The following LRRC7 variants were observed in gnomAD, a reference collection of about 807,000 sequenced individuals.
LRRC7 encodes leucine rich repeat containing 7.
In LRRC7, 23 loss-of-function variants were observed where a neutral mutation model predicts 175.7. The ratio of observed to expected loss-of-function variants is 0.13; its 90% confidence interval spans 0.09 to 0.19. The LOEUF is 0.19. Among genes scored for constraint, LRRC7 ranks in the 10% least tolerant of loss-of-function variants. The probability of loss-of-function intolerance (pLI) is 1.00; values close to 1 mark genes in which losing one functional copy is unlikely to be tolerated. For missense variants in LRRC7, 1,354 were observed against 1,904.7 expected (o/e 0.71, Z 5.38); for synonymous variants, 685 against 680.9 (o/e 1.01, Z -0.09).
intron 7 of LRRC7, among the ~76,000 whole-genome samples, chr1:69,847,773 C>T (rs1023389816): frequency 2.6e-5 from 4 of 152,064 alleles, no homozygotes; most frequent in African/African-American, 4.8e-5. Context: ...AACAATTCCT[C>T]CCCCTTCTCA....
intron 1 of LRRC7, among the ~76,000 whole-genome samples, chr1:69,644,482 T>G (rs1654711092): frequency 6.6e-6 from 1 of 152,052 alleles, no homozygotes; most frequent in Admixed American, 6.6e-5. Context: ...CTAACTTTCA[T>G]ATGCTTCCAG....
At chr1:69,691,341 CT>C (rs1661828361) in intron 2 of LRRC7, among the ~76,000 whole-genome samples, 1 of 151,988 alleles carries the variant, frequency 6.6e-6, no homozygotes, top group Admixed American at 6.6e-5. Context: ...TGTGTTTTAT[CT>C]CGTTGTTTGC....
intron 23 of LRRC7, among the ~76,000 whole-genome samples, chr1:70,070,197 G>A (rs1662277352): frequency 6.6e-6 from 1 of 152,034 alleles, no homozygotes; most frequent in South Asian, 2.1e-4. Context: ...GTTTCGCCGT[G>A]TTGCCCAGGC....
intron 2 of LRRC7, among the ~76,000 whole-genome samples, chr1:69,758,905 T>C (rs1670728644): frequency 6.6e-6 from 1 of 152,042 alleles, no homozygotes; most frequent in Non-Finnish European, 1.5e-5. Context: ...TGTTACTAAG[T>C]AAAAATACAT....
intron 2 of LRRC7, among the ~76,000 whole-genome samples, chr1:69,714,077 C>A (rs1665079397): frequency 6.6e-6 from 1 of 152,116 alleles, no homozygotes; most frequent in African/African-American, 2.4e-5. Context: ...GGACTGGCCA[C>A]AGCCTTACAC....
intron 8 of LRRC7, among the ~76,000 whole-genome samples, chr1:69,963,581 C>T (rs1267307858): frequency 6.6e-6 from 1 of 152,098 alleles, no homozygotes; most frequent in Non-Finnish European, 1.5e-5. Flanking sequence ...CCACAGGCTA[C>T]AGTGTAGATA....
chr1:69,838,732 A>C (rs1053433090), intron 7 of LRRC7, among the ~76,000 whole-genome samples: 2 of 151,924 alleles, frequency 1.3e-5, no homozygotes, highest in South Asian at 2.1e-4. Context: ...AGAGATCGTA[A>C]AGTGGTTTAG....
At chr1:69,576,969 C>A in intron 1 of LRRC7, among the ~76,000 whole-genome samples, 1 of 152,014 alleles carries the variant, frequency 6.6e-6, no homozygotes, top group East Asian at 1.9e-4. Context: ...ATTTAATGAG[C>A]GGTTATTTAC....
intron 17 of LRRC7, among the ~76,000 whole-genome samples, chr1:70,027,599 C>T (rs1357970697): frequency 6.6e-6 from 1 of 151,854 alleles, no homozygotes; most frequent in African/African-American, 2.4e-5. Flanking sequence ...GCATTTTTTC[C>T]CCTTAGGGAT....
chr1:69,909,836 T>A (rs1400085496), intron 7 of LRRC7, among the ~76,000 whole-genome samples: 4 of 152,138 alleles, frequency 2.6e-5, no homozygotes, highest in Non-Finnish European at 2.9e-5. Context: ...AGATTGGGGA[T>A]GTTCTCCTGG....
intron 7 of LRRC7, among the ~76,000 whole-genome samples, chr1:69,928,181 G>T (rs1051592458): frequency 1.3e-5 from 2 of 152,234 alleles, no homozygotes; most frequent in African/African-American, 4.8e-5. Context: ...TCTCAGAGGA[G>T]TACCCGGCCG....
chr1:69,835,828 ATAT>A (rs1220059413), intron 6 of LRRC7, among the ~76,000 whole-genome samples: 1 of 152,004 alleles, frequency 6.6e-6, no homozygotes, highest in African/African-American at 2.4e-5. Context: ...TATAATAATA[ATAT>A]TATCTTAGGG....
At chr1:70,091,229 A>G (rs545404645) in intron 25 of LRRC7, among the ~76,000 whole-genome samples, 3 of 152,168 alleles carry the variant, frequency 2.0e-5, no homozygotes, top group Admixed American at 6.6e-5. Context: ...TAAAATATTC[A>G]TGGCTTAGAC....
chr1:70,040,867 C>G (rs558621826), intron 21 of LRRC7, among the ~76,000 whole-genome samples: 1 of 151,910 alleles, frequency 6.6e-6, no homozygotes, highest in Admixed American at 6.6e-5. Flanking sequence ...ATGCAGGGAT[C>G]AGGGACAGAA....
In LRRC7 at chr1:69,860,486, A is replaced by G. The variant is rs540347079; in HGVS notation, c.647+22203A>G. Among the ~76,000 whole-genome samples, 4 of 152,154 alleles carry G rather than the reference A, an allele frequency of 2.6e-5. No individual in the cohort carries two copies. In the East Asian group the frequency reaches 7.7e-4, roughly 29 times the overall value. ...TGTCTTATAAATCTGAGTAGAAATA[A>G]CGATGAGTGACAGTTATATTCTTTG... is the stretch of plus-strand genomic sequence containing the variant. On this transcript the variant is annotated intron_variant, in intron 7 of 26. Transcript: ENST00000651989.
intron 1 of LRRC7, among the ~76,000 whole-genome samples, chr1:69,626,252 G>A (rs1651513783): frequency 6.6e-6 from 1 of 152,002 alleles, no homozygotes; most frequent in African/African-American, 2.4e-5. Context: ...AGAATCTATG[G>A]TATGTTTTGA....
intron 7 of LRRC7, among the ~76,000 whole-genome samples, chr1:69,883,585 GT>G (rs1686864032): frequency 9.9e-6 from 1 of 100,620 alleles, no homozygotes; most frequent in African/African-American, 3.8e-5. Context: ...TCTGATGGTA[GT>G]TTGTTTTGCT....
At chr1:69,737,303 A>C (rs148720227) in intron 2 of LRRC7, among the ~76,000 whole-genome samples, 1 of 152,128 alleles carries the variant, frequency 6.6e-6, no homozygotes, top group African/African-American at 2.4e-5. Context: ...AAGTCTCACG[A>C]GATCTGATGG....
At chr1:69,731,448 T>C (rs1667572053) in intron 2 of LRRC7, among the ~76,000 whole-genome samples, 1 of 152,108 alleles carries the variant, frequency 6.6e-6, no homozygotes. Flanking sequence ...AAGATTTGGG[T>C]GGAGATATAG....
Sources: gnomAD v4.1 joint callset for allele counts (sites outside exome capture counted in the v4.1 genomes callset) on GRCh38, gnomAD v4.1.1 for gene constraint, MANE v1.5 for transcripts, NCBI Gene and HGNC (gene_info 2026-07-23, HGNC 2026-07-21) for gene names.